Variants in VSTM5 observed in about 807,000 individuals in gnomAD.
The protein encoded by VSTM5 is V-set and transmembrane domain-containing protein 5.
VSTM5 carries 21 observed loss-of-function variants against 20.3 expected under a neutral mutation model. The ratio of observed to expected loss-of-function variants is 1.03; its 90% confidence interval spans 0.73 to 1.49. The LOEUF is 1.49. VSTM5 is among the 40% of genes most tolerant of loss of function. The pLI is 0.00. For synonymous variants in VSTM5, 100 were observed against 102.5 expected (o/e 0.98, Z 0.14); for missense variants, 219 against 250.0 (o/e 0.88, Z 0.84).
chr11:93,833,443 G>C (rs1181458122), intron 1 of VSTM5, among the ~76,000 whole-genome samples: 1 of 152,176 alleles, frequency 6.6e-6, no homozygotes, highest in African/African-American at 2.4e-5. Flanking sequence ...GCTGGGCATG[G>C]TGGCATGCAC....
chr11:93,835,183 T>G (rs989254657), intron 1 of VSTM5, among the ~76,000 whole-genome samples: 3 of 151,978 alleles, frequency 2.0e-5, no homozygotes, highest in Non-Finnish European at 4.4e-5. Context: ...CCAGCACTTT[T>G]GAAGGCTAAG....
chr11:93,825,691 A>G (rs558355908), intron 1 of VSTM5, among the ~76,000 whole-genome samples: 5 of 149,896 alleles, frequency 3.3e-5, no homozygotes, highest in Non-Finnish European at 5.9e-5. Context: ...TTATTCCTAA[A>G]TATTTTATTA....
chr11:93,843,119 C>T (rs1309666337), intron 1 of VSTM5, among the ~76,000 whole-genome samples: 4 of 151,900 alleles, frequency 2.6e-5, no homozygotes, highest in East Asian at 3.9e-4. Flanking sequence ...CAGGCACATG[C>T]GTAACTGGAT....
intron 1 of VSTM5, among the ~76,000 whole-genome samples, chr11:93,847,837 C>T (rs533265326): frequency 2.6e-5 from 4 of 152,232 alleles, no homozygotes; most frequent in Non-Finnish European, 5.9e-5. Flanking sequence ...TTATTTCTCA[C>T]AGTTCTGGAG....
At chr11:93,826,604 T>G (rs1446252354) in intron 1 of VSTM5, among the ~76,000 whole-genome samples, 3 of 152,022 alleles carry the variant, frequency 2.0e-5, no homozygotes, top group African/African-American at 7.2e-5. Context: ...TTTCACCGTG[T>G]TAGCCAGGAT....
intron 1 of VSTM5, among the ~76,000 whole-genome samples, chr11:93,848,571 G>A (rs1944432193): frequency 6.6e-6 from 1 of 152,232 alleles, no homozygotes; most frequent in Non-Finnish European, 1.5e-5. Context: ...GGCAGGTGGG[G>A]CTGTTTTGGG....
chr11:93,833,205 C>A (rs1840239490), intron 1 of VSTM5, among the ~76,000 whole-genome samples: 1 of 152,204 alleles, frequency 6.6e-6, no homozygotes, highest in African/African-American at 2.4e-5. Flanking sequence ...CTGGATATAT[C>A]AGGTTAAACC....
intron 1 of VSTM5, among the ~76,000 whole-genome samples, chr11:93,847,000 T>G (rs1306654992): frequency 1.3e-5 from 2 of 151,994 alleles, no homozygotes; most frequent in Non-Finnish European, 2.9e-5. Context: ...CTCTTGACCT[T>G]GTGATCCGCC....
At chr11:93,830,336 C>G (rs1369886748) in intron 1 of VSTM5, among the ~76,000 whole-genome samples, 1 of 152,198 alleles carries the variant, frequency 6.6e-6, no homozygotes, top group African/African-American at 2.4e-5. Context: ...AAGGCTGGAG[C>G]CTAAACAGCC....
intron 1 of VSTM5, among the ~76,000 whole-genome samples, chr11:93,850,151 C>T (rs925426579): frequency 1.4e-4 from 22 of 152,086 alleles, no homozygotes; most frequent in African/African-American, 5.1e-4. Context: ...GTGGGGCGGG[C>T]GCCCCGAAGT....
At chr11:93,829,224 C>T (rs1944262001) in intron 1 of VSTM5, among the ~76,000 whole-genome samples, 1 of 152,132 alleles carries the variant, frequency 6.6e-6, no homozygotes, top group African/African-American at 2.4e-5. Flanking sequence ...TCAGGACCGT[C>T]ATGGGCAAAC....
chr11:93,839,171 A>C lies in VSTM5; in HGVS notation c.91+11241T>G, dbSNP rs148453343. On this transcript the variant is annotated intron_variant, in intron 1 of 3. Transcript: ENST00000409977. ...TCTGTCCCGAGAGTGTGAACTTAGG[A>C]TGCGGGGCCTCTTAGACCCTGTGGT... 4.8e-3 allele frequency among the ~76,000 whole-genome samples: 736 copies of C among 152,338 alleles called. 14 individuals carry two copies. Among genetic ancestry groups the C allele is most frequent in the Admixed American group, 0.042 (648 of 15,300 alleles).
In VSTM5 at chr11:93,829,436, G is replaced by A. The variant is rs111511530; in HGVS notation, c.92-8113C>T. On this transcript the variant is annotated intron_variant, in intron 1 of 3. Coordinates refer to ENST00000409977, the MANE Select transcript of VSTM5 (RefSeq NM_001144871.2). ...CCAGCTACTTGGGAGGCTGAGGCAC[G>A]AGAATCGCTTGAACCTGGGAGGCAC... Among the ~76,000 whole-genome samples, 301 of 152,322 alleles carry A rather than the reference G, an allele frequency of 2.0e-3. 3 individuals carry two copies. Among genetic ancestry groups the A allele is most frequent in the African/African-American group, 6.9e-3 (286 of 41,582 alleles).
At chr11:93,830,958 A>G (rs1451161100) in intron 1 of VSTM5, among the ~76,000 whole-genome samples, 1 of 151,862 alleles carries the variant, frequency 6.6e-6, no homozygotes, top group Non-Finnish European at 1.5e-5. Flanking sequence ...GGGTTTTGCC[A>G]TGTTGCCCAA....
At chr11:93,840,419 G>A (rs1944361307) in intron 1 of VSTM5, among the ~76,000 whole-genome samples, 1 of 152,184 alleles carries the variant, frequency 6.6e-6, no homozygotes, top group African/African-American at 2.4e-5. Flanking sequence ...AATCCACACT[G>A]AGGTGTTAGC....
Position 93,821,119 on chromosome 11 carries a change from G to A in VSTM5, c.296C>T (p.Thr99Ile). 6.4e-7 allele frequency: 1 copy of A among 1,552,076 alleles called. No homozygotes were observed. Among genetic ancestry groups the A allele is most frequent in the Non-Finnish European group, 8.7e-7 (1 of 1,147,074 alleles). Residue 99 changes from threonine to isoleucine, a missense_variant, in exon 2 of 4, where the codon ACC (threonine) becomes ATC (isoleucine). Physicochemically the swap from Thr to Ile is moderately conservative, Grantham distance 89 (BLOSUM62 -1). Coordinates refer to ENST00000409977, the MANE Select transcript of VSTM5 (RefSeq NM_001144871.2). Reference protein sequence around the residue: ...ISQSHKDRVCTFDNGSIQLFS... With the variant: ...ISQSHKDRVCIFDNGSIQLFS... ...GAGCTGGATGGAGCCGTTGTCAAAGGTGCAGACTCTGTCCTTGTGGCTTTG... is the reference window on the plus strand; with the variant it reads ...GAGCTGGATGGAGCCGTTGTCAAAGATGCAGACTCTGTCCTTGTGGCTTTG...
chr11:93,837,958 TG>T (rs1236519366), intron 1 of VSTM5, among the ~76,000 whole-genome samples: 1 of 88,532 alleles, frequency 1.1e-5, no homozygotes, highest in Non-Finnish European at 2.3e-5. Flanking sequence ...GATCTGCTGG[TG>T]GGTGCAGAGG....
intron 1 of VSTM5, among the ~76,000 whole-genome samples, chr11:93,847,660 C>T (rs972112093): frequency 6.6e-6 from 1 of 152,200 alleles, no homozygotes; most frequent in African/African-American, 2.4e-5. Context: ...GGTGGGTACT[C>T]GTGAGCCTGA....
chr11:93,836,282 A>T (rs1222723871), intron 1 of VSTM5, among the ~76,000 whole-genome samples: 1 of 152,240 alleles, frequency 6.6e-6, no homozygotes, highest in East Asian at 1.9e-4. Flanking sequence ...TCTACACAGC[A>T]TCCTGAGTGA....
Sources: gnomAD v4.1 joint callset for allele counts (sites outside exome capture counted in the v4.1 genomes callset) on GRCh38, gnomAD v4.1.1 for gene constraint, MANE v1.5 for transcripts, NCBI Gene and HGNC (gene_info 2026-07-23, HGNC 2026-07-21) for gene names.